RTN4: variants seen among roughly 807,000 people sequenced by gnomAD.
RTN4 encodes reticulon-4.
RTN4 carries 32 observed loss-of-function variants against 90.4 expected under a neutral mutation model. That is an observed-to-expected ratio of 0.35 (90% CI 0.27 to 0.48). The LOEUF is 0.48. RTN4 is among the 20% of genes least tolerant of loss of function. The pLI is 0.99. For missense variants in RTN4, 1,706 were observed against 1,430.2 expected, an observed-to-expected ratio of 1.19 and a Z score of -3.11; for synonymous variants, 629 against 552.5, an observed-to-expected ratio of 1.14 and a Z score of -1.94.
chr2:55,044,992 G>A (rs1683325955), intron 1 of RTN4, among the ~76,000 whole-genome samples: 1 of 152,074 alleles, frequency 6.6e-6, no homozygotes, highest in Middle Eastern at 3.2e-3. Flanking sequence ...GTGTTTAGAA[G>A]CATCCACTTC....
At chr2:55,023,687 TTTTAA>T (rs1355629892) in intron 3 of RTN4, among the ~76,000 whole-genome samples, 2 of 152,134 alleles carry the variant, frequency 1.3e-5, no homozygotes, top group Non-Finnish European at 2.9e-5. Flanking sequence ...CTTGCTAATA[TTTTAA>T]TTTTTCTCCA....
Position 55,050,194 on chromosome 2 carries a change from T to TC in RTN4, c.106dup (p.Glu36GlyfsTer49). ...GTCCTCCTCTTCCTCCTCCTCTTCT[T>TC]CCTCCTCGTCCTCGGGCTCCCTCAC... is the stretch of plus-strand genomic sequence containing the variant. On this transcript the variant is annotated frameshift_variant, in exon 1 of 9. Transcript: ENST00000337526. LOFTEE classifies it high-confidence loss of function. The surrounding 1 kb of genome is among the most constrained non-coding windows in gnomAD (Gnocchi z 4.6). The TC allele has an allele frequency of 4.5e-6, 7 of 1,569,336 alleles. No individual in the cohort carries two copies. The highest frequency in any genetic ancestry group is 6.0e-6 in the Non-Finnish European group (7 of 1,162,448).
At chr2:54,987,803 T>C (rs1022837737) in intron 3 of RTN4, 105 bp from the exon 4 acceptor site, 1 of 885,898 alleles carries the variant, frequency 1.1e-6, no homozygotes, top group Non-Finnish European at 1.7e-6. Context: ...AAATCAAACC[T>C]AAAAATTTAA....
At chr2:55,018,910 C>T (rs1042456677) in intron 3 of RTN4, among the ~76,000 whole-genome samples, 6 of 152,060 alleles carry the variant, frequency 3.9e-5, no homozygotes, top group Admixed American at 3.9e-4. Context: ...TCTCATTCTA[C>T]ATTAAAAGGA....
Position 55,025,457 on chromosome 2 carries a change from GA to G in RTN4, c.2641del (p.Ser881HisfsTer5). The G allele has an allele frequency of 6.2e-7, 1 of 1,613,740 alleles. No individual in the cohort carries two copies. The highest frequency in any genetic ancestry group is 1.3e-5 in the African/African-American group (1 of 74,998). ...ATATTCCCTGGCTAATTTAGAAAAT[GA>G]ATCAGTTTTAGAACTGATCAATGTA... is the stretch of plus-strand genomic sequence containing the variant. The part of the protein sequence containing the change: ...FPTLISSKTD[S>X]FSKLAREYTD... On this transcript the variant is annotated frameshift_variant, in exon 3 of 9. Transcript: ENST00000337526. LOFTEE classifies it high-confidence loss of function.
intron 1 of RTN4, among the ~76,000 whole-genome samples, chr2:55,096,294 C>A (rs1205794001): frequency 1.3e-5 from 2 of 151,884 alleles, no homozygotes; most frequent in Non-Finnish European, 2.9e-5. Flanking sequence ...CCATTGCACT[C>A]CAGCCTGGGC....
intron 1 of RTN4, among the ~76,000 whole-genome samples, chr2:55,105,073 C>T (rs764778376): frequency 5.9e-5 from 9 of 151,964 alleles, no homozygotes; most frequent in Non-Finnish European, 8.8e-5. Context: ...TCCCAAAACG[C>T]TGGGATTATA....
the RTN4 span, among the ~76,000 whole-genome samples, chr2:55,125,344 A>G: frequency 6.6e-6 from 1 of 152,238 alleles, no homozygotes; most frequent in Admixed American, 6.5e-5. Context: ...GAATGGGAGA[A>G]AATATTTGCA....
Position 55,049,893 on chromosome 2 carries a change from G to A in RTN4, c.408C>T (p.Asp136=). ...AAVSPSKLPE[D]DEPPARPPPP... ...GGGGAGGCCGGGCCGGAGGCTCGTC[G>A]TCCTCAGGGAGCTTGGAGGGCGAGA... is the stretch of plus-strand genomic sequence containing the variant. Residue 136 remains aspartate, a synonymous_variant, in exon 1 of 9, where the codon GAC becomes GAT. Coordinates refer to ENST00000337526, the MANE Select transcript of RTN4 (RefSeq NM_020532.5). The A allele has an allele frequency of 7.6e-7, 1 of 1,320,972 alleles. No individual in the cohort carries two copies. Among genetic ancestry groups the A allele is most frequent in the Admixed American group, 4.2e-5 (1 of 24,060 alleles). The allele number at this position is 1,320,972 out of a possible 1,614,324, so 81.8% of individuals were successfully genotyped here. A position where few individuals can be genotyped will look rare whatever the true frequency, so the allele number is the denominator to read the frequency against.
intron 2 of RTN4, among the ~76,000 whole-genome samples, chr2:55,064,246 C>G (rs934655684): frequency 1.3e-5 from 2 of 149,688 alleles, no homozygotes; most frequent in Non-Finnish European, 3.0e-5. Flanking sequence ...AAAGAAAACA[C>G]ATAACAGAAA....
At chr2:55,080,199 T>C (rs1348456290) in intron 2 of RTN4, among the ~76,000 whole-genome samples, 1 of 151,986 alleles carries the variant, frequency 6.6e-6, no homozygotes, top group Non-Finnish European at 1.5e-5. Flanking sequence ...TGTATTTTTT[T>C]TGTAGATGGG....
chr2:54,998,202 G>A (rs1042120449), intron 3 of RTN4, among the ~76,000 whole-genome samples: 9 of 148,510 alleles, frequency 6.1e-5, no homozygotes, highest in African/African-American at 2.2e-4. Flanking sequence ...AAAGGGAAGA[G>A]GAGTGACTGC....
rs1486687614 is a variant in RTN4 at position 55,026,767 on chromosome 2, A to T, written c.1332T>A (p.Asp444Glu). ...HEKDSESSND[D>E]TSFPSTPEGI... ...CTTCTGGCGTACTGGGGAAAGAAGTATCATCATTACTACTCTCACTATCTT... is the reference window on the plus strand; with the variant it reads ...CTTCTGGCGTACTGGGGAAAGAAGTTTCATCATTACTACTCTCACTATCTT... Residue 444 changes from aspartate to glutamate, a missense_variant, in exon 3 of 9, where the codon GAT (aspartate) becomes GAA (glutamate). Asp to Glu is a conservative substitution (Grantham distance 45). Transcript: ENST00000337526. 1.9e-6 allele frequency: 3 copies of T among 1,613,874 alleles called. No homozygotes were observed. The highest frequency in any genetic ancestry group is 2.5e-6 in the Non-Finnish European group (3 of 1,179,816).
At chr2:55,008,102 G>A (rs1333005312) in intron 3 of RTN4, among the ~76,000 whole-genome samples, 1 of 151,216 alleles carries the variant, frequency 6.6e-6, no homozygotes, top group African/African-American at 2.4e-5. Context: ...CTTTCAGCCT[G>A]AAAGATCGAG....
intron 1 of RTN4, among the ~76,000 whole-genome samples, chr2:55,103,663 C>A (rs1476301676): frequency 2.0e-5 from 3 of 151,976 alleles, no homozygotes; most frequent in Non-Finnish European, 2.9e-5. Flanking sequence ...TCACAGAAGA[C>A]TTCTATACAG....
At chr2:55,051,767 G>A (rs888921353), upstream of RTN4, among the ~76,000 whole-genome samples, 64 of 152,278 alleles carry the variant, frequency 4.2e-4, no homozygotes, top group Admixed American at 1.2e-3. Flanking sequence ...TAGTACCTCC[G>A]AAATGTAAAA....
chr2:55,094,493 G>C (rs1017065870), intron 1 of RTN4, among the ~76,000 whole-genome samples: 3 of 152,190 alleles, frequency 2.0e-5, no homozygotes, highest in Non-Finnish European at 4.4e-5. Flanking sequence ...TGACCAATCA[G>C]GTGAGCTTCT....
the RTN4 span, among the ~76,000 whole-genome samples, chr2:55,131,644 G>A: frequency 2.0e-5 from 3 of 152,216 alleles, no homozygotes; most frequent in Admixed American, 2.0e-4. Context: ...AGCACTTTGG[G>A]AAGCCGAGGT....
chr2:55,023,948 G>T (rs561057522), intron 3 of RTN4, among the ~76,000 whole-genome samples: 1 of 152,040 alleles, frequency 6.6e-6, no homozygotes, highest in East Asian at 1.9e-4. Flanking sequence ...GGTATCTGGG[G>T]CTTTAATTTC....
Sources: allele counts gnomAD v4.1 joint callset (sites outside exome capture counted in the v4.1 genomes callset), GRCh38; gene constraint gnomAD v4.1.1; non-coding constraint Gnocchi (gnomAD v3.1); transcripts MANE v1.5; gene names NCBI Gene and HGNC (gene_info 2026-07-23, HGNC 2026-07-21).